Variants in CACNA2D1 observed in about 807,000 individuals in gnomAD.
CACNA2D1 encodes the protein voltage-dependent calcium channel subunit alpha-2/delta-1.
A neutral mutation model predicts 171.5 loss-of-function variants in CACNA2D1; 53 were observed. That is an observed-to-expected ratio of 0.31 (90% CI 0.25 to 0.39). The LOEUF (loss-of-function observed/expected upper bound fraction) is 0.39, where lower values mean the gene tolerates loss of function less well. CACNA2D1 is among the 10% of genes least tolerant of loss of function. The pLI is 1.00. For missense variants in CACNA2D1, 903 were observed against 1,299.8 expected, an observed-to-expected ratio of 0.69 and a Z score of 4.69; for synonymous variants, 442 against 443.1, an observed-to-expected ratio of 1.00 and a Z score of 0.03.
intron 3 of CACNA2D1, among the ~76,000 whole-genome samples, chr7:82,202,062 A>G (rs1799498465): frequency 6.6e-6 from 1 of 152,190 alleles, no homozygotes; most frequent in African/African-American, 2.4e-5. Flanking sequence ...GCAAGTTTGG[A>G]GTGCGGGCAC....
chr7:81,996,549 C>CAA (rs1420968684), intron 19 of CACNA2D1, among the ~76,000 whole-genome samples: 3 of 151,720 alleles, frequency 2.0e-5, no homozygotes, highest in Non-Finnish European at 4.4e-5. Flanking sequence ...CTCTGTACCT[C>CAA]AAATGTATCA....
chr7:82,254,629 C>G (rs1028653073), intron 3 of CACNA2D1, among the ~76,000 whole-genome samples: 1 of 152,094 alleles, frequency 6.6e-6, no homozygotes, highest in East Asian at 1.9e-4. Flanking sequence ...GCATTTACAT[C>G]CCTTTAGGTT....
intron 29 of CACNA2D1, among the ~76,000 whole-genome samples, chr7:81,967,951 G>A (rs771642327): frequency 7.3e-5 from 11 of 151,524 alleles, no homozygotes; most frequent in South Asian, 2.1e-4. Flanking sequence ...TCATTCAAAC[G>A]GTATATTTTA....
At chr7:82,032,629 C>T (rs1209101462) in intron 12 of CACNA2D1, among the ~76,000 whole-genome samples, 168 bp downstream of exon 12, 2 of 151,596 alleles carry the variant, frequency 1.3e-5, no homozygotes, top group South Asian at 2.1e-4. Flanking sequence ...TTATACTTAA[C>T]AGCTCTCTAA....
intron 4 of CACNA2D1, among the ~76,000 whole-genome samples, chr7:82,163,112 T>C (rs1417068706): frequency 6.6e-6 from 1 of 152,058 alleles, no homozygotes; most frequent in Admixed American, 6.6e-5. Context: ...TCTCTGGGAA[T>C]ACAGTGATTT....
At chr7:82,222,995 C>T (rs1801959024) in intron 3 of CACNA2D1, among the ~76,000 whole-genome samples, 1 of 150,998 alleles carries the variant, frequency 6.6e-6, no homozygotes, top group Non-Finnish European at 1.5e-5. Context: ...CTCACCGCAA[C>T]TCTGCCTCCT....
At chr7:82,283,663 A>G (rs548940906) in intron 3 of CACNA2D1, among the ~76,000 whole-genome samples, 2 of 145,160 alleles carry the variant, frequency 1.4e-5, no homozygotes, top group African/African-American at 2.4e-5. Context: ...CACCATAAAG[A>G]ATCTCTATTT....
chr7:82,056,179 T>A (rs1405557311), intron 10 of CACNA2D1, among the ~76,000 whole-genome samples: 2 of 151,960 alleles, frequency 1.3e-5, no homozygotes, highest in Admixed American at 1.3e-4. Flanking sequence ...TGTTTAGGGT[T>A]ATTGAGGCAA....
chr7:82,227,848 T>C (rs1185635079), intron 3 of CACNA2D1, among the ~76,000 whole-genome samples: 1 of 152,196 alleles, frequency 6.6e-6, no homozygotes, highest in Non-Finnish European at 1.5e-5. Context: ...ATACTAAGTA[T>C]AATAAATAAA....
chr7:82,069,656 G>A lies in CACNA2D1; in HGVS notation c.659-3132C>T, dbSNP rs1241323701. Among the ~76,000 whole-genome samples the A allele has an allele frequency of 5.3e-5, 8 of 151,944 alleles. No homozygotes were observed. In the South Asian group the frequency reaches 8.3e-4, roughly 16 times the overall value. Reference sequence around the variant, plus strand: ...TAGGAAAATATTCTTGAGAAAGTACGCAGATTTTAGTGCCATTTTCTGGTT... The same window carrying A: ...TAGGAAAATATTCTTGAGAAAGTACACAGATTTTAGTGCCATTTTCTGGTT... On this transcript the variant is annotated intron_variant, in intron 7 of 38. Coordinates refer to ENST00000356860, the MANE Select transcript of CACNA2D1 (RefSeq NM_000722.4).
At chr7:82,344,809 A>G (rs7794797) in intron 2 of CACNA2D1, among the ~76,000 whole-genome samples, 67,221 of 152,024 alleles carry the variant, frequency 0.44, 17,607 homozygotes, top group African/African-American at 0.74. Flanking sequence ...ATTGTTGAGG[A>G]AAGTAAGGCA....
chr7:82,141,187 G>T (rs1052493675), intron 4 of CACNA2D1, among the ~76,000 whole-genome samples: 44 of 152,006 alleles, frequency 2.9e-4, no homozygotes, highest in African/African-American at 9.9e-4. Context: ...CTTTCACTAG[G>T]AGTTATTCAA....
At chr7:82,079,611 G>A (rs1435945917) in intron 7 of CACNA2D1, among the ~76,000 whole-genome samples, 4 of 150,906 alleles carry the variant, frequency 2.7e-5, no homozygotes, top group African/African-American at 9.8e-5. Flanking sequence ...AGAATCGCTC[G>A]AACCCAGGGG....
intron 1 of CACNA2D1, among the ~76,000 whole-genome samples, chr7:82,420,809 T>A (rs1293227578): frequency 1.4e-5 from 2 of 146,766 alleles, no homozygotes; most frequent in Middle Eastern, 3.3e-3. Flanking sequence ...TGACAAAAAA[T>A]AGAAAAATCA....
At chr7:82,041,470 T>A (rs921198255) in intron 10 of CACNA2D1, among the ~76,000 whole-genome samples, 2 of 151,972 alleles carry the variant, frequency 1.3e-5, no homozygotes, top group African/African-American at 2.4e-5. Flanking sequence ...TGAGGCAAGA[T>A]GATCAGGATA....
intron 3 of CACNA2D1, among the ~76,000 whole-genome samples, chr7:82,181,431 G>C (rs1047289800): frequency 6.6e-6 from 1 of 152,150 alleles, no homozygotes; most frequent in Admixed American, 6.5e-5. Context: ...GCCCAGACCC[G>C]CTGGGGCAGC....
At chr7:82,317,470 C>T (rs948218847) in intron 3 of CACNA2D1, among the ~76,000 whole-genome samples, 3 of 152,110 alleles carry the variant, frequency 2.0e-5, no homozygotes, top group Admixed American at 1.3e-4. Context: ...GCCTTCTATG[C>T]AGCTGAAAAA....
chr7:82,317,375 C>T lies in CACNA2D1; in HGVS notation c.294+17760G>A, dbSNP rs79359346. 7.2e-3 allele frequency among the ~76,000 whole-genome samples: 1,090 copies of T among 152,204 alleles called. 15 individuals are homozygous for T. The highest frequency in any genetic ancestry group is 0.025 in the African/African-American group (1,024 of 41,518). On this transcript the variant is annotated intron_variant, in intron 3 of 38. Coordinates refer to ENST00000356860, the MANE Select transcript of CACNA2D1 (RefSeq NM_000722.4). ...TAGGGATAATTCCCGTGTGTGTGTA[C>T]GGCTGAGAGGAAAAGTATGGCCTGC...
At chr7:82,212,740 A>G (rs772936171) in intron 3 of CACNA2D1, among the ~76,000 whole-genome samples, 4 of 152,216 alleles carry the variant, frequency 2.6e-5, no homozygotes, top group Non-Finnish European at 5.9e-5. Context: ...TTATTGAAAC[A>G]TAACTTTTAT....
Sources: gnomAD v4.1 joint callset for allele counts (sites outside exome capture counted in the v4.1 genomes callset) on GRCh38, gnomAD v4.1.1 for gene constraint, MANE v1.5 for transcripts, NCBI Gene and HGNC (gene_info 2026-07-23, HGNC 2026-07-21) for gene names.